Variants in EIF2AK3 observed in about 807,000 individuals in gnomAD.
EIF2AK3 encodes the protein eukaryotic translation initiation factor 2 alpha kinase 3, also known as eukaryotic translation initiation factor 2-alpha kinase 3.
A neutral mutation model predicts 113.5 loss-of-function variants in EIF2AK3; 50 were observed. The ratio of observed to expected loss-of-function variants is 0.44; its 90% CI spans 0.35 to 0.56. The LOEUF (loss-of-function observed/expected upper bound fraction) is 0.56. Ranked by LOEUF, EIF2AK3 falls within the 20% of genes least tolerant of loss-of-function variation. The pLI is 0.00. For missense variants in EIF2AK3, 1,185 were observed against 1,378.0 expected (o/e 0.86, Z 2.22); for synonymous variants, 448 against 495.4 (o/e 0.90, Z 1.27).
intron 1 of EIF2AK3, among the ~76,000 whole-genome samples, chr2:88,616,778 G>A (rs968294528): frequency 6.6e-6 from 1 of 152,140 alleles, no homozygotes; most frequent in Non-Finnish European, 1.5e-5. Context: ...AATTCATTAT[G>A]TGTATTTATC....
At chr2:88,564,832 A>C (rs1448829224) in intron 14 of EIF2AK3, among the ~76,000 whole-genome samples, 2 of 152,224 alleles carry the variant, frequency 1.3e-5, no homozygotes, top group Non-Finnish European at 2.9e-5. Context: ...AAACCAGTGT[A>C]ATGGGATGGA....
Position 88,595,642 on chromosome 2 carries a change from T to C in EIF2AK3, c.460A>G (p.Ile154Val). ...KPEVFGNKMIIPSLDGALFQW... is the reference protein window; with the variant it reads ...KPEVFGNKMIVPSLDGALFQW... Reference sequence around the variant, plus strand: ...AAGAGGGCTCCATCCAGGGAAGGAATGATCATCTTATTCCCAAATACCTAA... The same window carrying C: ...AAGAGGGCTCCATCCAGGGAAGGAACGATCATCTTATTCCCAAATACCTAA... The change falls in exon 3 of 17, where the codon ATT (isoleucine) becomes GTT (valine). Residue 154 changes from isoleucine (I) to valine (V), a missense_variant. By Grantham distance (29) the Ile-to-Val change is conservative. Coordinates refer to ENST00000303236, the MANE Select transcript of EIF2AK3 (RefSeq NM_004836.7). 1 of 1,613,974 alleles carries C rather than the reference T, an allele frequency of 6.2e-7. No individual in the cohort carries two copies. The highest frequency in any genetic ancestry group is 1.3e-5 in the African/African-American group (1 of 75,054).
intron 1 of EIF2AK3, among the ~76,000 whole-genome samples, chr2:88,626,643 T>C (rs1399174747): frequency 1.3e-5 from 2 of 152,238 alleles, no homozygotes; most frequent in Non-Finnish European, 2.9e-5. Flanking sequence ...GAAAGGTTCC[T>C]TGGAAGAGAA....
At chr2:88,625,284 T>TAC (rs375827301) in intron 1 of EIF2AK3, among the ~76,000 whole-genome samples, 25,411 of 134,954 alleles carry the variant, frequency 0.19, 2,168 homozygotes, top group Admixed American at 0.2. Flanking sequence ...ATCGCTTACG[T>TAC]ACACACACAC....
chr2:88,578,819 T>C (rs965520525), intron 11 of EIF2AK3, among the ~76,000 whole-genome samples: 3 of 152,128 alleles, frequency 2.0e-5, no homozygotes, highest in Non-Finnish European at 1.5e-5. Flanking sequence ...GAAATAGATA[T>C]TGTCAAAAGG....
At chr2:88,587,204 C>CAAAAAAAAA (rs780050125) in intron 8 of EIF2AK3, among the ~76,000 whole-genome samples, 3 of 30,260 alleles carry the variant, frequency 9.9e-5, no homozygotes, top group East Asian at 1.1e-3. Context: ...AACTCCATCT[C>CAAAAAAAAA]AAAAAAAAAA....
intron 14 of EIF2AK3, among the ~76,000 whole-genome samples, chr2:88,565,638 C>T (rs1206146804): frequency 6.6e-6 from 1 of 152,140 alleles, no homozygotes; most frequent in Non-Finnish European, 1.5e-5. Flanking sequence ...CCAACCAAAA[C>T]TGTTTTTAAT....
chr2:88,617,734 C>A (rs1196502954), intron 1 of EIF2AK3, among the ~76,000 whole-genome samples: 2 of 142,082 alleles, frequency 1.4e-5, no homozygotes, highest in Admixed American at 7.2e-5. Flanking sequence ...TCCAGCCTGG[C>A]AACACAGCGA....
intron 2 of EIF2AK3, among the ~76,000 whole-genome samples, chr2:88,603,817 G>A (rs1004264094): frequency 1.3e-5 from 2 of 152,116 alleles, no homozygotes; most frequent in Middle Eastern, 3.2e-3. Context: ...CTTTTCCTCT[G>A]TCAGCACAAG....
At chr2:88,589,335 T>G (rs1248589682) in intron 6 of EIF2AK3, among the ~76,000 whole-genome samples, 1 of 152,186 alleles carries the variant, frequency 6.6e-6, no homozygotes, top group Non-Finnish European at 1.5e-5. Flanking sequence ...TGCTTTTCAT[T>G]CAAACCAACA....
chr2:88,561,555 C>T (rs942648487), intron 15 of EIF2AK3, among the ~76,000 whole-genome samples: 27 of 152,160 alleles, frequency 1.8e-4, no homozygotes, highest in African/African-American at 6.3e-4. Context: ...GCCACTGCAC[C>T]CGGCCCAGAG....
intron 9 of EIF2AK3, among the ~76,000 whole-genome samples, chr2:88,584,407 C>T (rs1674668695): frequency 6.6e-6 from 1 of 151,394 alleles, no homozygotes; most frequent in Non-Finnish European, 1.5e-5. Flanking sequence ...GTCCCAGCTA[C>T]TCGGGAGGCT....
intron 13 of EIF2AK3, 100 bp from the exon 14 acceptor site, chr2:88,571,141 T>C: frequency 1.5e-6 from 2 of 1,357,272 alleles, no homozygotes; most frequent in East Asian, 2.3e-5. Context: ...TACAACAAAC[T>C]AGATATTTTC....
intron 10 of EIF2AK3, among the ~76,000 whole-genome samples, chr2:88,580,128 C>T (rs894589843): frequency 2.0e-5 from 3 of 152,210 alleles, no homozygotes; most frequent in African/African-American, 7.2e-5. Flanking sequence ...GGAACCAAAG[C>T]TGACATGGGT....
chr2:88,617,078 G>C (rs1397490052), intron 1 of EIF2AK3, among the ~76,000 whole-genome samples: 2 of 152,184 alleles, frequency 1.3e-5, no homozygotes, highest in African/African-American at 4.8e-5. Context: ...CACAGTCTAA[G>C]AAAGAGGTGC....
chr2:88,583,251 T>TA (rs1198961371), intron 10 of EIF2AK3, among the ~76,000 whole-genome samples, 179 bp downstream of exon 10: 5 of 152,180 alleles, frequency 3.3e-5, no homozygotes, highest in Non-Finnish European at 4.4e-5. Context: ...ACTCTATTTT[T>TA]ATCTTTCTTA....
chr2:88,584,482 A>G (rs898379499), intron 9 of EIF2AK3, among the ~76,000 whole-genome samples: 2 of 144,840 alleles, frequency 1.4e-5, no homozygotes, highest in East Asian at 4.2e-4. Context: ...GTGCCACTGC[A>G]TTCCAGCTTG....
intron 15 of EIF2AK3, among the ~76,000 whole-genome samples, chr2:88,560,733 G>T (rs1269839154): frequency 8.8e-5 from 13 of 147,656 alleles, no homozygotes; most frequent in African/African-American, 3.2e-4. Context: ...TCTGAAAATG[G>T]TTATTTTGAC....
intron 1 of EIF2AK3, among the ~76,000 whole-genome samples, chr2:88,624,179 G>C (rs1223033156): frequency 6.6e-6 from 1 of 152,126 alleles, no homozygotes; most frequent in Non-Finnish European, 1.5e-5. Flanking sequence ...TTTTAGTAGA[G>C]ATGGGGTTTC....
Sources: gnomAD v4.1 joint callset for allele counts (sites outside exome capture counted in the v4.1 genomes callset) on GRCh38, gnomAD v4.1.1 for gene constraint, MANE v1.5 for transcripts, NCBI Gene and HGNC (gene_info 2026-07-23, HGNC 2026-07-21) for gene names.